FSTL4: variants seen among roughly 807,000 people sequenced by gnomAD.
FSTL4 encodes follistatin-related protein 4.
FSTL4 carries 28 observed loss-of-function variants against 78.2 expected under a neutral mutation model. That is an observed-to-expected ratio of 0.36 (90% CI 0.27 to 0.49). The LOEUF is 0.49. FSTL4 is among the 20% of genes least tolerant of loss of function. The pLI is 0.98. For missense variants in FSTL4, 922 were observed against 1,084.9 expected, an observed-to-expected ratio of 0.85 and a Z score of 2.11; for synonymous variants, 422 against 440.5, an observed-to-expected ratio of 0.96 and a Z score of 0.53.
At chr5:133,680,946 C>A in the FSTL4 span, among the ~76,000 whole-genome samples, 1 of 152,170 alleles carries the variant, frequency 6.6e-6, no homozygotes, top group Non-Finnish European at 1.5e-5. Context: ...AGAACTGAAC[C>A]CAGACCTGTG....
chr5:133,327,160 A>T (rs1754233702), intron 4 of FSTL4, among the ~76,000 whole-genome samples: 1 of 152,204 alleles, frequency 6.6e-6, no homozygotes, highest in Non-Finnish European at 1.5e-5. Flanking sequence ...CAGGAAACTC[A>T]ACGAAGAACC....
intron 3 of FSTL4, among the ~76,000 whole-genome samples, chr5:133,434,645 G>A (rs1394213037): frequency 6.6e-6 from 1 of 152,006 alleles, no homozygotes; most frequent in Non-Finnish European, 1.5e-5. Context: ...TGGAATTACT[G>A]AATCAAAAGC....
At chr5:133,275,429 G>A (rs905222821) in intron 6 of FSTL4, among the ~76,000 whole-genome samples, 40 of 152,018 alleles carry the variant, frequency 2.6e-4, no homozygotes, top group Non-Finnish European at 4.9e-4. Context: ...GCGTGGTGGC[G>A]GGTGCCTGTA....
intron 3 of FSTL4, among the ~76,000 whole-genome samples, chr5:133,452,539 C>G (rs1200374270): frequency 1.3e-5 from 2 of 152,240 alleles, no homozygotes; most frequent in Admixed American, 1.3e-4. Context: ...TAGTGCTTTA[C>G]TAAGTGCTAG....
At chr5:133,226,987 C>G (rs1392282361) in intron 8 of FSTL4, among the ~76,000 whole-genome samples, 1 of 152,156 alleles carries the variant, frequency 6.6e-6, no homozygotes, top group Non-Finnish European at 1.5e-5. Context: ...TAGCTCCTGT[C>G]ACAGCTCCTC....
At chr5:133,592,706 C>G (rs1314398449) in intron 2 of FSTL4, among the ~76,000 whole-genome samples, 1 of 152,142 alleles carries the variant, frequency 6.6e-6, no homozygotes. Flanking sequence ...CCCAAGAGAG[C>G]TGGCTTTTAA....
the FSTL4 span, among the ~76,000 whole-genome samples, chr5:133,837,683 T>G: frequency 2.6e-5 from 4 of 152,186 alleles, no homozygotes; most frequent in Admixed American, 6.5e-5. Flanking sequence ...GGGGAGGTGT[T>G]TACCAGGACT....
At chr5:133,822,494 C>T in the FSTL4 span, among the ~76,000 whole-genome samples, 1 of 152,138 alleles carries the variant, frequency 6.6e-6, no homozygotes, top group Non-Finnish European at 1.5e-5. Flanking sequence ...AGGGGTCACA[C>T]ACAGAACCAT....
chr5:133,477,835 C>G (rs1243764085), intron 3 of FSTL4, among the ~76,000 whole-genome samples: 3 of 152,102 alleles, frequency 2.0e-5, no homozygotes, highest in Non-Finnish European at 4.4e-5. Flanking sequence ...AGAATTCAGA[C>G]AGAAATTTGC....
chr5:133,295,814 C>T (rs1297616158), intron 6 of FSTL4, among the ~76,000 whole-genome samples: 1 of 152,178 alleles, frequency 6.6e-6, no homozygotes, highest in African/African-American at 2.4e-5. Flanking sequence ...TCCTCTCATT[C>T]TCTTTTGGGG....
At chr5:133,793,700 C>T in the FSTL4 span, among the ~76,000 whole-genome samples, 6 of 152,294 alleles carry the variant, frequency 3.9e-5, no homozygotes, top group East Asian at 3.9e-4. Flanking sequence ...CCCACTCCCG[C>T]GGTCTCACAT....
intron 3 of FSTL4, among the ~76,000 whole-genome samples, chr5:133,443,724 A>T (rs1006410933): frequency 6.6e-6 from 1 of 152,120 alleles, no homozygotes; most frequent in African/African-American, 2.4e-5. Context: ...TGGGTCAATT[A>T]CTGCCCATAG....
At chr5:133,631,691 A>C in the FSTL4 span, among the ~76,000 whole-genome samples, 1 of 152,188 alleles carries the variant, frequency 6.6e-6, no homozygotes, top group Admixed American at 6.5e-5. Flanking sequence ...ATAAAGACAC[A>C]TGCACATGTA....
intron 3 of FSTL4, among the ~76,000 whole-genome samples, chr5:133,413,004 T>C (rs1395333964): frequency 6.6e-6 from 1 of 152,162 alleles, no homozygotes; most frequent in East Asian, 1.9e-4. Context: ...TTCTCTCTTT[T>C]GGTTCCTTAT....
intron 3 of FSTL4, among the ~76,000 whole-genome samples, chr5:133,554,240 A>T (rs867199754): frequency 2.0e-5 from 3 of 152,174 alleles, no homozygotes; most frequent in Non-Finnish European, 2.9e-5. Context: ...ACCTTTGGGA[A>T]ATCCAGACAG....
At chr5:133,435,039 T>C (rs1196139368) in intron 3 of FSTL4, among the ~76,000 whole-genome samples, 3 of 152,164 alleles carry the variant, frequency 2.0e-5, no homozygotes, top group Admixed American at 1.3e-4. Context: ...CAACTATTTT[T>C]CCCCAGTTTT....
At position 133,603,999 on chromosome 5, in the gene FSTL4, G is replaced by A. The variant is rs1434073977; in HGVS notation, c.-10-6C>T. ...CTGGTTTCATTTTGATGAGTCTGTT[G>A]AAGAAATGACAAATGCTGAGAATAA... On this transcript the variant is annotated splice_polypyrimidine_tract_variant and splice_region_variant and intron_variant, in intron 1 of 15. Coordinates refer to ENST00000265342, the MANE Select transcript of FSTL4 (RefSeq NM_015082.2). 6.3e-7 allele frequency: 1 copy of A among 1,599,076 alleles called. No individual in the cohort carries two copies. Among genetic ancestry groups the A allele is most frequent in the African/African-American group, 1.3e-5 (1 of 74,628 alleles).
chr5:133,433,023 G>A (rs1175483445), intron 3 of FSTL4, among the ~76,000 whole-genome samples: 1 of 152,196 alleles, frequency 6.6e-6, no homozygotes, highest in Non-Finnish European at 1.5e-5. Context: ...CTCATTAAAA[G>A]GCATCTGGCT....
chr5:133,481,445 G>A (rs892866902), intron 3 of FSTL4, among the ~76,000 whole-genome samples: 1 of 151,440 alleles, frequency 6.6e-6, no homozygotes, highest in Non-Finnish European at 1.5e-5. Context: ...GAGAGGCTGA[G>A]GCAGGAGAAT....
Sources: gnomAD v4.1 joint callset for allele counts (sites outside exome capture counted in the v4.1 genomes callset) on GRCh38, gnomAD v4.1.1 for gene constraint, MANE v1.5 for transcripts, NCBI Gene and HGNC (gene_info 2026-07-23, HGNC 2026-07-21) for gene names.